The following LRP12 variants were observed in gnomAD, a reference collection of about 807,000 sequenced individuals.
LRP12 encodes the protein low-density lipoprotein receptor-related protein 12.
Under a neutral mutation model 66.0 loss-of-function variants are expected in LRP12, and 14 were observed. That is an observed-to-expected ratio of 0.21 (90% CI 0.14 to 0.33). LRP12 has a LOEUF of 0.33. Ranked by LOEUF, LRP12 falls within the 10% of genes least tolerant of loss-of-function variation. The pLI is 1.00. For missense variants in LRP12, 889 were observed against 1,053.4 expected, an observed-to-expected ratio of 0.84 and a Z score of 2.16; for synonymous variants, 357 against 359.1, an observed-to-expected ratio of 0.99 and a Z score of 0.07.
chr8:104,544,282 T>C (rs1811523001), intron 1 of LRP12, among the ~76,000 whole-genome samples: 1 of 152,130 alleles, frequency 6.6e-6, no homozygotes, highest in Non-Finnish European at 1.5e-5. Context: ...GGTTGGTTCA[T>C]GATGTTTAAG....
At chr8:104,491,664 G>A in intron 6 of LRP12, 125 bp from the exon 7 acceptor site, 2 of 732,456 alleles carry the variant, frequency 2.7e-6, no homozygotes, top group Non-Finnish European at 4.2e-6. Flanking sequence ...GTTGCTTTTG[G>A]GTCTAAGAAG....
At chr8:104,572,247 G>A (rs935454843) in intron 1 of LRP12, among the ~76,000 whole-genome samples, 3 of 152,148 alleles carry the variant, frequency 2.0e-5, no homozygotes, top group African/African-American at 7.2e-5. Flanking sequence ...ACAGATTATG[G>A]GTGAGGACAT....
At chr8:104,539,403 G>A (rs998145180) in intron 1 of LRP12, among the ~76,000 whole-genome samples, 12 of 151,992 alleles carry the variant, frequency 7.9e-5, no homozygotes, top group Non-Finnish European at 1.6e-4. Flanking sequence ...AATAACTGCT[G>A]TTAGGGCCTA....
intron 1 of LRP12, among the ~76,000 whole-genome samples, chr8:104,542,351 G>A (rs902954690): frequency 3.3e-5 from 5 of 152,074 alleles, no homozygotes; most frequent in African/African-American, 1.2e-4. Flanking sequence ...TTGTCTTTCT[G>A]TTATTGCTGA....
intron 1 of LRP12, among the ~76,000 whole-genome samples, chr8:104,562,270 T>C (rs80147780): frequency 1.3e-4 from 20 of 152,230 alleles, no homozygotes; most frequent in African/African-American, 4.6e-4. Context: ...TCAATACAAA[T>C]TAGGTATTAT....
chr8:104,529,086 A>G (rs1811288735), intron 2 of LRP12, among the ~76,000 whole-genome samples: 1 of 152,174 alleles, frequency 6.6e-6, no homozygotes, highest in Admixed American at 6.5e-5. Context: ...AGTACATCAG[A>G]ACGTAACTGG....
intron 1 of LRP12, among the ~76,000 whole-genome samples, chr8:104,578,737 G>A (rs112988615): frequency 0.24 from 36,414 of 151,994 alleles, 4,430 homozygotes; most frequent in Middle Eastern, 0.3. Context: ...CCGTGATCAA[G>A]TAGGCTTTAT....
At chr8:104,565,322 CACAG>C (rs1290678888) in intron 1 of LRP12, among the ~76,000 whole-genome samples, 6 of 152,136 alleles carry the variant, frequency 3.9e-5, no homozygotes, top group African/African-American at 1.4e-4. Context: ...ACTGTAAACT[CACAG>C]ACACATACTT....
chr8:104,543,305 T>C (rs1352639347), intron 1 of LRP12, among the ~76,000 whole-genome samples: 1 of 152,146 alleles, frequency 6.6e-6, no homozygotes, highest in Admixed American at 6.6e-5. Context: ...TGTTGTCACA[T>C]TTTGGCAATT....
intron 1 of LRP12, among the ~76,000 whole-genome samples, chr8:104,584,386 G>GA (rs568981379): frequency 3.6e-4 from 52 of 145,202 alleles, no homozygotes; most frequent in Non-Finnish European, 5.8e-4. Flanking sequence ...GTAAAGTGGG[G>GA]AAAAAAAAAA....
chr8:104,519,899 A>C (rs1215019748), intron 2 of LRP12, among the ~76,000 whole-genome samples: 1 of 152,060 alleles, frequency 6.6e-6, no homozygotes, highest in Non-Finnish European at 1.5e-5. Flanking sequence ...AAGGACCAAA[A>C]TATTTTACTT....
intron 2 of LRP12, among the ~76,000 whole-genome samples, chr8:104,516,511 T>C (rs1204708953): frequency 1.3e-5 from 2 of 152,110 alleles, no homozygotes; most frequent in Non-Finnish European, 2.9e-5. Flanking sequence ...ATGGAGTTCT[T>C]AAGATTTTGG....
At chr8:104,588,760 G>T in intron 1 of LRP12, 59 bp downstream of exon 1, 1 of 1,527,260 alleles carries the variant, frequency 6.5e-7, no homozygotes, top group Non-Finnish European at 9.0e-7. Flanking sequence ...TGGAGGCCTC[G>T]GGGCCCGGGT....
chr8:104,512,440 A>T (rs1328446981), intron 2 of LRP12, among the ~76,000 whole-genome samples: 3 of 152,218 alleles, frequency 2.0e-5, no homozygotes, highest in South Asian at 4.1e-4. Context: ...AATATGGAAA[A>T]TTGTTCATTT....
At chr8:104,503,201 C>T (rs1341198702) in intron 3 of LRP12, among the ~76,000 whole-genome samples, 1 of 151,546 alleles carries the variant, frequency 6.6e-6, no homozygotes, top group African/African-American at 2.4e-5. Context: ...TTTTTACACA[C>T]CTGTAATCCC....
chr8:104,529,946 A>AT (rs1224317074), intron 2 of LRP12, among the ~76,000 whole-genome samples: 3 of 152,182 alleles, frequency 2.0e-5, no homozygotes, highest in African/African-American at 4.8e-5. Context: ...GTCTCCTAGT[A>AT]TGTCAAACAA....
At chr8:104,580,534 A>C (rs1812234374) in intron 1 of LRP12, among the ~76,000 whole-genome samples, 1 of 152,070 alleles carries the variant, frequency 6.6e-6, no homozygotes, top group African/African-American at 2.4e-5. Flanking sequence ...CGTTTCAAAA[A>C]AAAAACAAAA....
chr8:104,532,182 T>C (rs1188245266), intron 1 of LRP12, among the ~76,000 whole-genome samples: 3 of 151,914 alleles, frequency 2.0e-5, no homozygotes, highest in East Asian at 1.9e-4. Context: ...TAGTGTTATA[T>C]ATAAAGGTCA....
chr8:104,588,959 A>AGAC lies in LRP12; in HGVS notation c.-65_-63dup, dbSNP rs780751873. ...GGAGGAGGGAGGAGAAGCTGGAGGT[A>AGAC]GACGACGCCGACGCCGCCGCCGCCG... On this transcript the variant is annotated 5_prime_UTR_variant, in exon 1 of 7. Transcript: ENST00000276654. The AGAC allele has an allele frequency of 2.4e-4, 258 of 1,080,588 alleles. 3 individuals are homozygous for AGAC. The East Asian group carries it at 2.7e-3, about 12-fold the overall frequency. The allele number at this position is 1,080,588 out of a possible 1,614,324, so 66.9% of individuals were successfully genotyped here.
Sources: gnomAD v4.1 joint callset for allele counts (sites outside exome capture counted in the v4.1 genomes callset) on GRCh38, gnomAD v4.1.1 for gene constraint, MANE v1.5 for transcripts, NCBI Gene and HGNC (gene_info 2026-07-23, HGNC 2026-07-21) for gene names.